DPP6: variants seen among roughly 807,000 people sequenced by gnomAD.
DPP6 encodes the protein dipeptidyl peptidase like 6, also known as A-type potassium channel modulatory protein DPP6.
A neutral mutation model predicts 122.6 loss-of-function variants in DPP6; 69 were observed. The observed-to-expected ratio is 0.56, with a 90% confidence interval of 0.46 to 0.69. The LOEUF (loss-of-function observed/expected upper bound fraction) is 0.69, where lower values mean the gene tolerates loss of function less well. DPP6 is among the 30% of genes least tolerant of loss of function. The probability of loss-of-function intolerance (pLI) is 0.00; values close to 1 mark genes in which losing one functional copy is unlikely to be tolerated. For missense variants in DPP6, 928 were observed against 1,116.9 expected (o/e 0.83, Z 2.41); for synonymous variants, 418 against 433.1 (o/e 0.97, Z 0.43).
chr7:154,443,660 A>AGATG (rs1409671606), intron 1 of DPP6, among the ~76,000 whole-genome samples: 1 of 125,684 alleles, frequency 8.0e-6, no homozygotes, highest in South Asian at 2.3e-4. Context: ...GTGGATGAAT[A>AGATG]GATGGATGGA....
At chr7:154,108,431 G>A (rs1317646354) in intron 1 of DPP6, among the ~76,000 whole-genome samples, 1 of 152,178 alleles carries the variant, frequency 6.6e-6, no homozygotes, top group Admixed American at 6.5e-5. Context: ...GGGATCATCT[G>A]CTGGTTGCAA....
chr7:154,398,775 T>G (rs1815319851), intron 1 of DPP6, among the ~76,000 whole-genome samples: 1 of 152,170 alleles, frequency 6.6e-6, no homozygotes, highest in South Asian at 2.1e-4. Context: ...GGGGGGAAAT[T>G]ATGTTTTGCA....
chr7:154,575,487 GGT>G (rs1312850857), intron 5 of DPP6, among the ~76,000 whole-genome samples: 3 of 128,092 alleles, frequency 2.3e-5, no homozygotes, highest in South Asian at 2.9e-4. Flanking sequence ...GTGTGTGTGT[GGT>G]GTGTGTTTGT....
intron 1 of DPP6, among the ~76,000 whole-genome samples, chr7:154,102,680 C>CA (rs1411484064): frequency 6.6e-6 from 1 of 151,994 alleles, no homozygotes; most frequent in South Asian, 2.1e-4. Flanking sequence ...TCATATTGAT[C>CA]AAAAAAATCA....
chr7:153,991,283 A>G (rs539903219), intron 1 of DPP6, among the ~76,000 whole-genome samples: 2 of 152,176 alleles, frequency 1.3e-5, no homozygotes, highest in Non-Finnish European at 2.9e-5. Flanking sequence ...AAATACTTAT[A>G]TATCTTTTAG....
chr7:154,764,355 A>G (rs1273296230), intron 8 of DPP6, among the ~76,000 whole-genome samples: 1 of 152,020 alleles, frequency 6.6e-6, no homozygotes, highest in Non-Finnish European at 1.5e-5. Flanking sequence ...GGCCAATGAG[A>G]TCTCCACTCC....
intron 1 of DPP6, among the ~76,000 whole-genome samples, chr7:154,355,568 A>G (rs1811206323): frequency 6.6e-6 from 1 of 152,114 alleles, no homozygotes. Flanking sequence ...GTCATGATTC[A>G]TTTATTTGTA....
chr7:154,468,597 A>G (rs191928454), intron 2 of DPP6, among the ~76,000 whole-genome samples: 101 of 152,354 alleles, frequency 6.6e-4, no homozygotes, highest in African/African-American at 2.4e-3. Flanking sequence ...GCTGCTGAAT[A>G]TATTTTAAGG....
intron 1 of DPP6, among the ~76,000 whole-genome samples, chr7:154,290,668 C>T (rs959310851): frequency 6.6e-6 from 1 of 151,998 alleles, no homozygotes; most frequent in Non-Finnish European, 1.5e-5. Flanking sequence ...AAAAAATTCC[C>T]TCTTGCTCAT....
the DPP6 span, among the ~76,000 whole-genome samples, chr7:153,767,534 A>ATTT: frequency 7.8e-3 from 1,078 of 137,642 alleles, 19 homozygotes; most frequent in African/African-American, 0.025. Context: ...CACCCGGTTA[A>ATTT]TTTTTTTTTT....
chr7:153,887,847 C>T, intron 1 of DPP6: 1 of 1,204,854 alleles, frequency 8.3e-7, no homozygotes. Flanking sequence ...ACAGCGACCC[C>T]ATGCCCGCGC....
chr7:154,113,412 T>TATATATATATATATACACACAC (rs1472172445), intron 1 of DPP6, among the ~76,000 whole-genome samples: 1 of 141,796 alleles, frequency 7.1e-6, no homozygotes, highest in African/African-American at 2.6e-5. Context: ...TATATATATA[T>TATATATATATATATACACACAC]ACACACACAC....
the DPP6 span, among the ~76,000 whole-genome samples, chr7:153,843,195 T>C: frequency 2.7e-5 from 4 of 150,116 alleles, no homozygotes; most frequent in East Asian, 3.9e-4. Flanking sequence ...CACGCGTGCA[T>C]ACACACACGT....
intron 5 of DPP6, among the ~76,000 whole-genome samples, chr7:154,617,657 A>T (rs1834350688): frequency 6.6e-6 from 1 of 152,234 alleles, no homozygotes; most frequent in South Asian, 2.1e-4. Flanking sequence ...ATGTGTGAAC[A>T]AATAAATTAA....
chr7:154,185,384 T>C (rs1798303507), intron 1 of DPP6, among the ~76,000 whole-genome samples: 1 of 152,272 alleles, frequency 6.6e-6, no homozygotes, highest in East Asian at 1.9e-4. Flanking sequence ...TGAATAGTTA[T>C]TCTACTTGGG....
At chr7:154,063,181 AG>A (rs1452803571) in intron 1 of DPP6, among the ~76,000 whole-genome samples, 4 of 107,954 alleles carry the variant, frequency 3.7e-5, no homozygotes, top group African/African-American at 1.4e-4. Context: ...CCTGGCTGTT[AG>A]TACCCCCATC....
chr7:154,741,931 T>G (rs1245738728), intron 8 of DPP6, among the ~76,000 whole-genome samples: 1 of 152,242 alleles, frequency 6.6e-6, no homozygotes, highest in Non-Finnish European at 1.5e-5. Context: ...GAAATTTACA[T>G]GTAGCAAAAT....
At chr7:153,920,971 A>G (rs1204314119) in intron 1 of DPP6, among the ~76,000 whole-genome samples, 1 of 152,232 alleles carries the variant, frequency 6.6e-6, no homozygotes, top group Non-Finnish European at 1.5e-5. Flanking sequence ...GGCTTAAATA[A>G]GGGCATCTAC....
intron 1 of DPP6, among the ~76,000 whole-genome samples, chr7:154,170,250 C>A (rs567013028): frequency 6.6e-6 from 1 of 152,192 alleles, no homozygotes; most frequent in African/African-American, 2.4e-5. Flanking sequence ...CCTAAAAAGG[C>A]CCTCTCCTTA....
Sources: gnomAD v4.1 joint callset for allele counts (sites outside exome capture counted in the v4.1 genomes callset) on GRCh38, gnomAD v4.1.1 for gene constraint, MANE v1.5 for transcripts, NCBI Gene and HGNC (gene_info 2026-07-23, HGNC 2026-07-21) for gene names.